Variants in RFX3 observed in about 807,000 individuals in gnomAD.
RFX3 encodes the protein transcription factor RFX3.
A neutral mutation model predicts 98.6 loss-of-function variants in RFX3; 14 were observed. The ratio of observed to expected loss-of-function variants is 0.14; its 90% confidence interval spans 0.09 to 0.22. RFX3 has a LOEUF of 0.22. Ranked by LOEUF, RFX3 falls within the 10% of genes least tolerant of loss-of-function variation. The pLI, the probability that RFX3 is intolerant of heterozygous loss-of-function variation, is 1.00. For synonymous variants in RFX3, 383 were observed against 328.4 expected (o/e 1.17, Z -1.80); for missense variants, 639 against 926.9 (o/e 0.69, Z 4.03).
At chr9:3,466,262 A>G (rs1300617639) in intron 1 of RFX3, among the ~76,000 whole-genome samples, 1 of 152,200 alleles carries the variant, frequency 6.6e-6, no homozygotes, top group African/African-American at 2.4e-5. Context: ...GTATACATAT[A>G]TGCTTAAGGT....
chr9:3,357,376 T>G (rs1045909896), intron 2 of RFX3, among the ~76,000 whole-genome samples: 3 of 152,040 alleles, frequency 2.0e-5, no homozygotes, highest in Non-Finnish European at 4.4e-5. Flanking sequence ...CTTTGAGGCC[T>G]AATTAAAAAT....
chr9:3,508,307 T>C (rs937105590), intron 1 of RFX3, among the ~76,000 whole-genome samples: 2 of 151,980 alleles, frequency 1.3e-5, no homozygotes, highest in Non-Finnish European at 2.9e-5. Context: ...TGCAAGTATT[T>C]AGCACTTTCT....
intron 2 of RFX3, among the ~76,000 whole-genome samples, chr9:3,385,841 T>C (rs1316003219): frequency 1.3e-5 from 2 of 152,082 alleles, no homozygotes; most frequent in East Asian, 1.9e-4. Context: ...AAGATAATAA[T>C]ATATTATTTC....
chr9:3,367,595 G>T (rs79076291), intron 2 of RFX3, among the ~76,000 whole-genome samples: 6,948 of 152,160 alleles, frequency 0.046, 546 homozygotes, highest in African/African-American at 0.16. Context: ...TCCAGACAGA[G>T]TCCAAAGGAA....
At chr9:3,405,179 G>A (rs1437766898) in intron 1 of RFX3, among the ~76,000 whole-genome samples, 1 of 151,818 alleles carries the variant, frequency 6.6e-6, no homozygotes, top group Non-Finnish European at 1.5e-5. Flanking sequence ...TGCCTCAGAA[G>A]TTTAATTGCG....
intron 16 of RFX3, among the ~76,000 whole-genome samples, chr9:3,228,088 A>C (rs1818004584): frequency 1.3e-5 from 2 of 152,204 alleles, no homozygotes; most frequent in African/African-American, 4.8e-5. Flanking sequence ...CTTTTAAAAG[A>C]AAGGGCTCTG....
intron 15 of RFX3, among the ~76,000 whole-genome samples, chr9:3,231,732 T>C (rs1340931936): frequency 1.3e-5 from 2 of 151,820 alleles, no homozygotes; most frequent in South Asian, 2.1e-4. Context: ...GTACCATAGA[T>C]AGGGGCCAGA....
At chr9:3,367,476 CA>C (rs1410427009) in intron 2 of RFX3, among the ~76,000 whole-genome samples, 2 of 152,296 alleles carry the variant, frequency 1.3e-5, no homozygotes, top group East Asian at 3.9e-4. Context: ...ACAGAGAACT[CA>C]ATCAAGCACC....
At chr9:3,231,932 C>T (rs1035387909) in intron 15 of RFX3, among the ~76,000 whole-genome samples, 1 of 151,952 alleles carries the variant, frequency 6.6e-6, no homozygotes, top group Non-Finnish European at 1.5e-5. Flanking sequence ...GGCATGGTGG[C>T]GGAGGCAGGA....
chr9:3,479,201 A>C (rs1260740515), intron 1 of RFX3, among the ~76,000 whole-genome samples: 1 of 152,148 alleles, frequency 6.6e-6, no homozygotes, highest in Non-Finnish European at 1.5e-5. Context: ...GATGATTTTC[A>C]ATTCATACTC....
At chr9:3,339,230 T>C (rs575445651) in intron 3 of RFX3, among the ~76,000 whole-genome samples, 5 of 152,294 alleles carry the variant, frequency 3.3e-5, no homozygotes, top group Non-Finnish European at 7.4e-5. Context: ...ATAATGGTTT[T>C]TGAAGCATAC....
chr9:3,473,844 G>T (rs1376163979), intron 1 of RFX3, among the ~76,000 whole-genome samples: 3 of 152,124 alleles, frequency 2.0e-5, no homozygotes, highest in Non-Finnish European at 4.4e-5. Flanking sequence ...GCATTGAAAA[G>T]ACTTGATAAA....
intron 15 of RFX3, among the ~76,000 whole-genome samples, chr9:3,245,102 T>C (rs1281144663): frequency 1.3e-5 from 2 of 152,218 alleles, no homozygotes; most frequent in Non-Finnish European, 2.9e-5. Flanking sequence ...TCTTTGACTA[T>C]ACAAATCAAA....
intron 9 of RFX3, 21 bp from the exon 10 acceptor site, chr9:3,271,139 A>G: frequency 6.3e-7 from 1 of 1,599,426 alleles, no homozygotes; most frequent in Non-Finnish European, 8.6e-7. Flanking sequence ...AAATGGTACC[A>G]GTATTACCTT....
chr9:3,381,344 A>G (rs12006165), intron 2 of RFX3, among the ~76,000 whole-genome samples: 4,190 of 152,152 alleles, frequency 0.028, 203 homozygotes, highest in African/African-American at 0.097. Context: ...AAATCAATAA[A>G]AAGATTATTA....
At chr9:3,503,190 C>G (rs1816238839) in intron 1 of RFX3, among the ~76,000 whole-genome samples, 1 of 152,126 alleles carries the variant, frequency 6.6e-6, no homozygotes, top group African/African-American at 2.4e-5. Context: ...AATGTGTGCA[C>G]AGCTGACTCA....
chr9:3,320,514 C>T (rs1270383846), intron 4 of RFX3, among the ~76,000 whole-genome samples: 3 of 151,050 alleles, frequency 2.0e-5, no homozygotes, highest in South Asian at 2.1e-4. Context: ...ATCAAACCAC[C>T]GCGTTCCAGC....
In RFX3 at chr9:3,224,865, G is replaced by A. The variant is rs186117216; in HGVS notation, c.*177C>T. On this transcript the variant is annotated 3_prime_UTR_variant, in exon 17 of 17. Transcript: ENST00000617270. ...ATTAAGAAGCAAATAATTTGTTTACGTTAAAAAAAAAGATCTGGCAAAATA... is the reference window on the plus strand; with the variant it reads ...ATTAAGAAGCAAATAATTTGTTTACATTAAAAAAAAAGATCTGGCAAAATA... 3.9e-4 allele frequency: 209 copies of A among 532,838 alleles called. No homozygotes were observed. The highest frequency in any genetic ancestry group is 2.0e-3 in the African/African-American group (103 of 52,700). The allele number at this position is 532,838 out of a possible 1,614,324, so 33.0% of individuals were successfully genotyped here.
intron 8 of RFX3, among the ~76,000 whole-genome samples, chr9:3,276,355 T>C (rs1825224419): frequency 6.6e-6 from 1 of 152,138 alleles, no homozygotes; most frequent in Non-Finnish European, 1.5e-5. Context: ...TCTTTTCTTA[T>C]TAGCTCTGGA....
Sources: allele counts gnomAD v4.1 joint callset (sites outside exome capture counted in the v4.1 genomes callset), GRCh38; gene constraint gnomAD v4.1.1; transcripts MANE v1.5; gene names NCBI Gene and HGNC (gene_info 2026-07-23, HGNC 2026-07-21).